NR1H4: variants seen among roughly 807,000 people sequenced by gnomAD.
NR1H4 encodes nuclear receptor subfamily 1 group H member 4.
NR1H4 carries 23 observed loss-of-function variants against 58.5 expected under a neutral mutation model. That is an observed-to-expected ratio of 0.39 (90% confidence interval 0.28 to 0.56). The LOEUF is 0.56. Among genes scored for constraint, NR1H4 ranks in the 20% least tolerant of loss-of-function variants. The probability of loss-of-function intolerance (pLI) is 0.58; values close to 1 mark genes in which losing one functional copy is unlikely to be tolerated. For missense variants in NR1H4, 487 were observed against 576.9 expected (o/e 0.84, Z 1.60); for synonymous variants, 214 against 198.0 (o/e 1.08, Z -0.68).
intron 1 of NR1H4, among the ~76,000 whole-genome samples, chr12:100,484,677 C>T (rs764847200): frequency 1.4e-4 from 21 of 152,286 alleles, no homozygotes; most frequent in Admixed American, 8.5e-4. Context: ...ACTGACGCCA[C>T]GCTGCTATGC....
At chr12:100,513,698 GAC>G (rs940314353) in intron 4 of NR1H4, among the ~76,000 whole-genome samples, 2 of 152,108 alleles carry the variant, frequency 1.3e-5, no homozygotes, top group Non-Finnish European at 2.9e-5. Context: ...GGGAGTCTGA[GAC>G]AGGAGAATTC....
intron 9 of NR1H4, among the ~76,000 whole-genome samples, chr12:100,549,526 A>G (rs1308348901): frequency 1.3e-5 from 2 of 152,158 alleles, no homozygotes; most frequent in Non-Finnish European, 2.9e-5. Context: ...AGAACTACTA[A>G]TGCAATAACT....
rs1218967378 is a variant in NR1H4, at chr12:100,562,098, AAAAGT to A, written c.1192+107_1192+111del. The A allele has an allele frequency of 1.3e-5, 9 of 680,044 alleles. No homozygotes were observed. The African/African-American group carries it at 1.4e-4, about 11-fold the overall frequency. The allele number at this position is 680,044 out of a possible 1,614,324, so 42.1% of individuals were successfully genotyped here. ...TCTGGAAAACATAGAAATATAAAGA[AAAAGT>A]AAAGTAGCCTATAATTCTGCTATCC... On this transcript the variant is annotated intron_variant, in intron 10 of 10. Transcript: ENST00000392986.
At chr12:100,520,785 G>T (rs546177491) in intron 4 of NR1H4, among the ~76,000 whole-genome samples, 2 of 152,278 alleles carry the variant, frequency 1.3e-5, no homozygotes, top group Admixed American at 1.3e-4. Context: ...CTATGGGAGA[G>T]CTTAAATCAT....
intron 1 of NR1H4, among the ~76,000 whole-genome samples, chr12:100,481,123 C>T (rs11110390): frequency 0.24 from 36,945 of 151,984 alleles, 5,689 homozygotes; most frequent in Non-Finnish European, 0.33. Context: ...CAAGGGCTAG[C>T]GAAACAGACT....
chr12:100,504,927 C>T (rs1396761126), intron 3 of NR1H4, among the ~76,000 whole-genome samples: 5 of 152,116 alleles, frequency 3.3e-5, no homozygotes, highest in Admixed American at 3.3e-4. Flanking sequence ...GTGAATTCCA[C>T]CTGGGGGAAC....
At chr12:100,559,914 T>A (rs533789409) in intron 9 of NR1H4, among the ~76,000 whole-genome samples, 5 of 152,194 alleles carry the variant, frequency 3.3e-5, no homozygotes, top group Non-Finnish European at 7.3e-5. Context: ...ATCAGCACCC[T>A]GTGTCTAGCT....
At chr12:100,562,815 G>A (rs899274592) in intron 10 of NR1H4, among the ~76,000 whole-genome samples, 1 of 152,196 alleles carries the variant, frequency 6.6e-6, no homozygotes, top group East Asian at 1.9e-4. Context: ...TTAGCCTTAG[G>A]CCATTTTTAT....
intron 4 of NR1H4, among the ~76,000 whole-genome samples, chr12:100,532,071 G>A (rs185772202): frequency 2.0e-4 from 31 of 152,200 alleles, no homozygotes; most frequent in South Asian, 8.3e-4. Flanking sequence ...TTGTTTGTGC[G>A]TCTTTGTCCT....
At chr12:100,531,195 C>T (rs1954683312) in intron 4 of NR1H4, among the ~76,000 whole-genome samples, 1 of 152,230 alleles carries the variant, frequency 6.6e-6, no homozygotes, top group Non-Finnish European at 1.5e-5. Context: ...GTGGCTCATG[C>T]CTGTAATCCC....
At chr12:100,509,250 A>G (rs1449411613) in intron 3 of NR1H4, among the ~76,000 whole-genome samples, 1 of 152,224 alleles carries the variant, frequency 6.6e-6, no homozygotes, top group Non-Finnish European at 1.5e-5. Context: ...TTGTCTGACA[A>G]CACTTTGAAG....
At chr12:100,545,783 T>A (rs988504418) in intron 9 of NR1H4, among the ~76,000 whole-genome samples, 1 of 151,806 alleles carries the variant, frequency 6.6e-6, no homozygotes, top group African/African-American at 2.4e-5. Context: ...TGTGTGAGCT[T>A]TGGGTCCTAC....
chr12:100,513,956 C>T (rs1297139292), intron 4 of NR1H4, among the ~76,000 whole-genome samples: 1 of 152,154 alleles, frequency 6.6e-6, no homozygotes, highest in African/African-American at 2.4e-5. Context: ...GTTTGAGAAA[C>T]CAACTGCTGA....
intron 3 of NR1H4, among the ~76,000 whole-genome samples, chr12:100,494,754 TTTC>T (rs1953676644): frequency 6.6e-6 from 1 of 152,242 alleles, no homozygotes; most frequent in Non-Finnish European, 1.5e-5. Flanking sequence ...TTAATGATTT[TTTC>T]TTCTAGCAAT....
rs184889584 is a variant in NR1H4 at position 100,501,454 on chromosome 12, G to T, written c.79+8052G>T. Among the ~76,000 whole-genome samples, 22 of 152,172 alleles carry T rather than the reference G, an allele frequency of 1.4e-4. No individual in the cohort carries two copies. In the East Asian group the frequency reaches 4.3e-3, roughly 29 times the overall value. ...TGGCAATTAGGGCAAGTGTACCTTAGTTTTTCCACCACGGGATTTTGAGTC... is the reference window on the plus strand; with the variant it reads ...TGGCAATTAGGGCAAGTGTACCTTATTTTTTCCACCACGGGATTTTGAGTC... On this transcript the variant is annotated intron_variant, in intron 3 of 10. Coordinates refer to ENST00000392986, the MANE Select transcript of NR1H4 (RefSeq NM_001206979.2).
chr12:100,546,076 G>T (rs1056765282), intron 9 of NR1H4, among the ~76,000 whole-genome samples: 15 of 152,132 alleles, frequency 9.9e-5, no homozygotes, highest in African/African-American at 3.4e-4. Context: ...TCATTCACCA[G>T]TTGAGACAAG....
At chr12:100,560,997 G>A (rs1955458200) in intron 9 of NR1H4, among the ~76,000 whole-genome samples, 1 of 152,036 alleles carries the variant, frequency 6.6e-6, no homozygotes, top group Non-Finnish European at 1.5e-5. Context: ...TTAGTTCTGT[G>A]GTGTCTTTGA....
At chr12:100,506,810 G>T (rs1166899277) in intron 3 of NR1H4, among the ~76,000 whole-genome samples, 1 of 152,044 alleles carries the variant, frequency 6.6e-6, no homozygotes, top group East Asian at 1.9e-4. Context: ...ACTTGGCCAA[G>T]AATAGAAGTA....
At chr12:100,543,241 G>T (rs1954979321) in intron 9 of NR1H4, among the ~76,000 whole-genome samples, 1 of 152,064 alleles carries the variant, frequency 6.6e-6, no homozygotes, top group South Asian at 2.1e-4. Flanking sequence ...GAAATAGAAA[G>T]GAATAAAAGA....
Sources: allele counts gnomAD v4.1 joint callset (sites outside exome capture counted in the v4.1 genomes callset), GRCh38; gene constraint gnomAD v4.1.1; transcripts MANE v1.5; gene names NCBI Gene and HGNC (gene_info 2026-07-23, HGNC 2026-07-21).